GLIS1: variants seen among roughly 807,000 people sequenced by gnomAD.
GLIS1 encodes zinc finger protein GLIS1.
A neutral mutation model predicts 63.8 loss-of-function variants in GLIS1; 24 were observed. The ratio of observed to expected loss-of-function variants is 0.38; its 90% confidence interval spans 0.27 to 0.53. The LOEUF (loss-of-function observed/expected upper bound fraction) is 0.53, where lower values mean the gene tolerates loss of function less well. Ranked by LOEUF, GLIS1 falls within the 20% of genes least tolerant of loss-of-function variation. The pLI is 0.85. For missense variants in GLIS1, 1,036 were observed against 1,074.1 expected, an observed-to-expected ratio of 0.96 and a Z score of 0.50; for synonymous variants, 450 against 482.5, an observed-to-expected ratio of 0.93 and a Z score of 0.88.
chr1:53,591,188 T>C (rs565458032), intron 4 of GLIS1, among the ~76,000 whole-genome samples: 37 of 152,330 alleles, frequency 2.4e-4, no homozygotes, highest in African/African-American at 8.9e-4. Context: ...GAAAAATTAA[T>C]AATTTTACAG....
intron 8 of GLIS1, among the ~76,000 whole-genome samples, chr1:53,514,058 CAATT>C (rs568068814): frequency 1.0e-3 from 155 of 152,350 alleles, no homozygotes; most frequent in Non-Finnish European, 1.9e-3. Context: ...CATTTCCAGT[CAATT>C]AAGTGGCCAC....
At chr1:53,604,093 C>A (rs1645345758) in intron 2 of GLIS1, among the ~76,000 whole-genome samples, 1 of 152,202 alleles carries the variant, frequency 6.6e-6, no homozygotes, top group Admixed American at 6.5e-5. Flanking sequence ...AGAATATGAA[C>A]ACAATGCATT....
chr1:53,638,396 C>T (rs977838892), intron 2 of GLIS1, among the ~76,000 whole-genome samples: 6 of 108,160 alleles, frequency 5.5e-5, no homozygotes, highest in African/African-American at 1.5e-4. Flanking sequence ...AAGGGGCAGG[C>T]CTCCCCCAGG....
chr1:53,605,624 C>T (rs538199735), intron 2 of GLIS1, among the ~76,000 whole-genome samples: 3 of 152,230 alleles, frequency 2.0e-5, no homozygotes, highest in Non-Finnish European at 2.9e-5. Flanking sequence ...ACCTCCCCTA[C>T]GAGCCTGAGA....
intron 2 of GLIS1, among the ~76,000 whole-genome samples, chr1:53,734,471 T>C (rs183099365): frequency 1.2e-3 from 184 of 152,336 alleles, no homozygotes; most frequent in East Asian, 5.6e-3. Flanking sequence ...AAGGTACAAG[T>C]TGTGGAACCA....
chr1:53,565,811 G>GA (rs1020903275), intron 4 of GLIS1, among the ~76,000 whole-genome samples: 3 of 149,146 alleles, frequency 2.0e-5, no homozygotes, highest in Admixed American at 6.6e-5. Flanking sequence ...TCAAGGAATA[G>GA]AAAAAAAAAG....
chr1:53,556,749 C>T (rs529892357), intron 4 of GLIS1, among the ~76,000 whole-genome samples: 8 of 136,634 alleles, frequency 5.9e-5, no homozygotes, highest in East Asian at 2.3e-4. Context: ...TGTGTGTGTG[C>T]GCAGATACTT....
At chr1:53,694,953 T>C (rs915844048) in intron 2 of GLIS1, among the ~76,000 whole-genome samples, 2 of 151,974 alleles carry the variant, frequency 1.3e-5, no homozygotes, top group African/African-American at 2.4e-5. Context: ...TCTCTAAATA[T>C]ACGTAAATAT....
intron 3 of GLIS1, among the ~76,000 whole-genome samples, chr1:53,596,853 C>T (rs528235076): frequency 2.6e-5 from 4 of 152,058 alleles, no homozygotes; most frequent in South Asian, 2.1e-4. Context: ...GATCTCAGAT[C>T]GCATGTCTCT....
At chr1:53,538,223 G>C (rs1311340441) in intron 4 of GLIS1, among the ~76,000 whole-genome samples, 1 of 152,200 alleles carries the variant, frequency 6.6e-6, no homozygotes, top group African/African-American at 2.4e-5. Flanking sequence ...GGTGAGGCTG[G>C]AGGGCACTGA....
intron 4 of GLIS1, among the ~76,000 whole-genome samples, chr1:53,575,416 C>G (rs1645023709): frequency 1.3e-5 from 2 of 152,208 alleles, no homozygotes; most frequent in Non-Finnish European, 2.9e-5. Context: ...CCTCACACAA[C>G]TCTCATCTCC....
At chr1:53,509,421 G>C in intron 9 of GLIS1, 134 bp from the exon 10 acceptor site, 3 of 994,774 alleles carry the variant, frequency 3.0e-6, no homozygotes, top group Non-Finnish European at 4.4e-6. Flanking sequence ...AGAGAGGAGG[G>C]CCCAGGGCAG....
intron 2 of GLIS1, among the ~76,000 whole-genome samples, chr1:53,668,823 A>G (rs1210066023): frequency 6.6e-6 from 1 of 152,150 alleles, no homozygotes; most frequent in Non-Finnish European, 1.5e-5. Flanking sequence ...GACAACAACA[A>G]AATCACCTAC....
chr1:53,640,523 G>A (rs982699743), intron 2 of GLIS1, among the ~76,000 whole-genome samples: 2 of 152,278 alleles, frequency 1.3e-5, no homozygotes, highest in East Asian at 3.9e-4. Context: ...CCGCTCTCCT[G>A]TGGAGCCTGG....
intron 4 of GLIS1, among the ~76,000 whole-genome samples, chr1:53,550,681 G>A (rs1038920257): frequency 3.9e-5 from 6 of 152,038 alleles, no homozygotes; most frequent in African/African-American, 7.2e-5. Flanking sequence ...GTACCATGGC[G>A]CAATGGCAGA....
At chr1:53,542,674 A>G (rs1423091229) in intron 4 of GLIS1, among the ~76,000 whole-genome samples, 1 of 152,232 alleles carries the variant, frequency 6.6e-6, no homozygotes, top group Non-Finnish European at 1.5e-5. Flanking sequence ...AGCCAGACGC[A>G]TGTACATGGC....
chr1:53,695,659 C>T (rs1422014236), intron 2 of GLIS1, among the ~76,000 whole-genome samples: 2 of 152,146 alleles, frequency 1.3e-5, no homozygotes, highest in East Asian at 1.9e-4. Context: ...GCAGGAGGGG[C>T]GCGGGGTGGT....
chr1:53,569,119 C>A (rs1644960687), intron 4 of GLIS1, among the ~76,000 whole-genome samples: 1 of 152,158 alleles, frequency 6.6e-6, no homozygotes, highest in African/African-American at 2.4e-5. Context: ...ACTAAGGAGA[C>A]AGTGAAAACA....
At position 53,678,834 on chromosome 1, in the gene GLIS1, G is replaced by C. The variant is rs570922567; in HGVS notation, c.259+58972C>G. 2.6e-5 allele frequency among the ~76,000 whole-genome samples: 4 copies of C among 152,302 alleles called. No homozygotes were observed. The East Asian group carries it at 5.8e-4, about 22-fold the overall frequency. On this transcript the variant is annotated intron_variant, in intron 2 of 10. Transcript: ENST00000628545. ...TCCTTAACTGGAAATGGAAAGCACC[G>C]CACAAGCTGAACTCCAGGGTCCCTT...
Sources: allele counts gnomAD v4.1 joint callset (sites outside exome capture counted in the v4.1 genomes callset), GRCh38; gene constraint gnomAD v4.1.1; transcripts MANE v1.5; gene names NCBI Gene and HGNC (gene_info 2026-07-23, HGNC 2026-07-21).